CNTNAP4: variants seen among roughly 807,000 people sequenced by gnomAD.
CNTNAP4 encodes the protein contactin associated protein family member 4.
CNTNAP4 carries 98 observed loss-of-function variants against 148.4 expected under a neutral mutation model. That is an observed-to-expected ratio of 0.66 (90% CI 0.56 to 0.78). The LOEUF is 0.78. Among genes scored for constraint, CNTNAP4 ranks in the 30% least tolerant of loss-of-function variants. The pLI, the probability that CNTNAP4 is intolerant of heterozygous loss-of-function variation, is 0.00. For missense variants in CNTNAP4, 1,935 were observed against 1,565.6 expected (o/e 1.24, Z -3.98); for synonymous variants, 730 against 565.1 (o/e 1.29, Z -4.14).
chr16:76,337,953 T>A (rs1359508648), intron 2 of CNTNAP4, among the ~76,000 whole-genome samples: 1 of 152,218 alleles, frequency 6.6e-6, no homozygotes, highest in African/African-American at 2.4e-5. Context: ...GCTGTTGTTC[T>A]ATTCTTTTTC....
At chr16:76,318,149 A>C (rs189035209) in intron 2 of CNTNAP4, among the ~76,000 whole-genome samples, 259 of 152,298 alleles carry the variant, frequency 1.7e-3, no homozygotes, top group African/African-American at 6.1e-3. Context: ...TTGCAATGCT[A>C]ATCCTAGAAT....
chr16:76,316,044 C>G, intron 1 of CNTNAP4: 4 of 322,080 alleles, frequency 1.2e-5, no homozygotes, highest in Non-Finnish European at 2.2e-5. Flanking sequence ...CAAGTACTTT[C>G]TCCATTTTGT....
At chr16:76,316,183 A>G (rs1410920819) in intron 1 of CNTNAP4, 2 of 581,236 alleles carry the variant, frequency 3.4e-6, no homozygotes, top group Non-Finnish European at 6.1e-6. Flanking sequence ...GTTTTATTAT[A>G]TAATTTTATG....
chr16:76,428,321 C>G (rs188255859), intron 4 of CNTNAP4, among the ~76,000 whole-genome samples: 122 of 152,026 alleles, frequency 8.0e-4, no homozygotes, highest in African/African-American at 2.9e-3. Flanking sequence ...AATTAGCAGA[C>G]TAACAGTGTG....
intron 17 of CNTNAP4, among the ~76,000 whole-genome samples, chr16:76,525,153 T>G (rs1029162900): frequency 3.3e-5 from 5 of 152,046 alleles, no homozygotes; most frequent in Admixed American, 1.3e-4. Flanking sequence ...TTTACAACAT[T>G]ACTATCACAC....
At chr16:76,410,105 T>C (rs531534365) in intron 3 of CNTNAP4, among the ~76,000 whole-genome samples, 3 of 128,496 alleles carry the variant, frequency 2.3e-5, no homozygotes, top group Non-Finnish European at 5.6e-5. Flanking sequence ...GATTGTCTTA[T>C]TATTTTTTTT....
intron 15 of CNTNAP4, among the ~76,000 whole-genome samples, chr16:76,500,041 T>A (rs1242831803): frequency 1.3e-5 from 2 of 152,184 alleles, no homozygotes; most frequent in East Asian, 3.9e-4. Flanking sequence ...ACCGCCATCG[T>A]CATCATGGCC....
chr16:76,488,418 A>T (rs1432999903), intron 12 of CNTNAP4, among the ~76,000 whole-genome samples: 2 of 152,124 alleles, frequency 1.3e-5, no homozygotes, highest in Non-Finnish European at 2.9e-5. Flanking sequence ...ATAATAATCC[A>T]CACATGGAAG....
At position 76,476,093 on chromosome 16, in the gene CNTNAP4, G is replaced by A. The variant is rs1421816326; in HGVS notation, c.1762+48G>A. 10 of 1,321,818 alleles carry A rather than the reference G, an allele frequency of 7.6e-6. No individual in the cohort carries two copies. In the Admixed American group the frequency reaches 1.0e-4, roughly 14 times the overall value. The allele number at this position is 1,321,818 out of a possible 1,614,324, so 81.9% of individuals were successfully genotyped here. Reference sequence around the variant, plus strand: ...TTCTTGCCCCTGTGATGGTTTCTTTGTCCCATTTCCCTTTTCATTGCTGTG... The same window carrying A: ...TTCTTGCCCCTGTGATGGTTTCTTTATCCCATTTCCCTTTTCATTGCTGTG... On this transcript the variant is annotated intron_variant, in intron 11 of 23. Transcript: ENST00000611870.
In CNTNAP4 at chr16:76,540,762, CA is replaced by C. The variant is rs2084417188; in HGVS notation, c.3417del (p.Lys1139AsnfsTer9). On this transcript the variant is annotated frameshift_variant, in exon 21 of 24. Transcript: ENST00000611870. LOFTEE classifies it high-confidence loss of function. ...LSSGTEFSAVKSLVLGRILEH... is the reference protein window; with the variant it reads ...LSSGTEFSAVXSLVLGRILEH... ...CATCAGGCACAGAATTCAGTGCAGTCAAATCTCTGGTATTGGGCAGGATTTT... is the reference window on the plus strand; with the variant it reads ...CATCAGGCACAGAATTCAGTGCAGTCAATCTCTGGTATTGGGCAGGATTTT... 1 of 1,574,948 alleles carries C rather than the reference CA, an allele frequency of 6.3e-7. No individual in the cohort carries two copies. Among genetic ancestry groups the C allele is most frequent in the East Asian group, 2.3e-5 (1 of 43,446 alleles).
At chr16:76,443,094 C>T (rs189670500) in intron 4 of CNTNAP4, among the ~76,000 whole-genome samples, 29 of 151,872 alleles carry the variant, frequency 1.9e-4, no homozygotes, top group Admixed American at 1.6e-3. Context: ...TTATTAATCT[C>T]GATAATAACC....
chr16:76,513,572 T>C (rs1010032564), intron 15 of CNTNAP4, among the ~76,000 whole-genome samples: 1 of 152,218 alleles, frequency 6.6e-6, no homozygotes, highest in Admixed American at 6.5e-5. Context: ...ATTATTTTAG[T>C]CTAATACTTT....
intron 21 of CNTNAP4, among the ~76,000 whole-genome samples, chr16:76,552,728 A>G (rs1456515459): frequency 1.3e-5 from 2 of 152,166 alleles, no homozygotes; most frequent in Non-Finnish European, 2.9e-5. Context: ...TATGGCCTCC[A>G]CTGCATGATA....
At chr16:76,358,205 A>G (rs774223244) in intron 3 of CNTNAP4, among the ~76,000 whole-genome samples, 19 of 152,114 alleles carry the variant, frequency 1.2e-4, no homozygotes, top group South Asian at 4.1e-4. Flanking sequence ...GCATGGTGAC[A>G]TGTGCCTATA....
intron 21 of CNTNAP4, among the ~76,000 whole-genome samples, chr16:76,543,106 C>T (rs2084534391): frequency 6.6e-6 from 1 of 152,086 alleles, no homozygotes; most frequent in Non-Finnish European, 1.5e-5. Context: ...TCCAAATATG[C>T]ATATCATATA....
Position 76,489,850 on chromosome 16 carries a change from T to A in CNTNAP4, c.2047T>A (p.Tyr683Asn). 2 of 1,581,502 alleles carry A rather than the reference T, an allele frequency of 1.3e-6. No homozygotes were observed. Residue 683 changes from tyrosine (Y) to asparagine (N), a missense_variant, in exon 13 of 24, where the codon TAC becomes AAC. Transcript: ENST00000611870. Reference sequence around the variant, plus strand: ...GCACTGTGAACAGGAGTTTACTTATTACTGCAAGAAGTCACGGCTGGTCAA... The same window carrying A: ...GCACTGTGAACAGGAGTTTACTTATAACTGCAAGAAGTCACGGCTGGTCAA... ...AEHCEQEFTY[Y>N]CKKSRLVNKQ... is the part of the protein sequence containing the mutation.
chr16:76,309,589 A>T (rs1363723791), intron 1 of CNTNAP4, among the ~76,000 whole-genome samples: 1 of 152,224 alleles, frequency 6.6e-6, no homozygotes, highest in African/African-American at 2.4e-5. Context: ...AATTGGAAAC[A>T]TGGGCAAAAA....
chr16:76,385,184 C>A (rs1018578005), intron 3 of CNTNAP4, among the ~76,000 whole-genome samples: 1 of 152,006 alleles, frequency 6.6e-6, no homozygotes, highest in African/African-American at 2.4e-5. Flanking sequence ...CCAGATTTTT[C>A]CCAGATTTAT....
At chr16:76,491,522 T>A (rs7195366) in intron 13 of CNTNAP4, among the ~76,000 whole-genome samples, 2 of 152,130 alleles carry the variant, frequency 1.3e-5, no homozygotes, top group Admixed American at 6.5e-5. Context: ...CATTTCCAGC[T>A]CTCCAGGGCA....
Sources: gnomAD v4.1 joint callset for allele counts (sites outside exome capture counted in the v4.1 genomes callset) on GRCh38, gnomAD v4.1.1 for gene constraint, MANE v1.5 for transcripts, NCBI Gene and HGNC (gene_info 2026-07-23, HGNC 2026-07-21) for gene names.